The following NRG1 variants were observed in gnomAD, a reference collection of about 807,000 sequenced individuals.
The protein encoded by NRG1 is neuregulin 1, also known as pro-neuregulin-1, membrane-bound isoform.
In NRG1, 18 loss-of-function variants were observed where a neutral mutation model predicts 63.8. The observed-to-expected ratio is 0.28, with a 90% CI of 0.19 to 0.42. The LOEUF (loss-of-function observed/expected upper bound fraction) is 0.42, where lower values mean the gene tolerates loss of function less well. Ranked by LOEUF, NRG1 falls within the 10% of genes least tolerant of loss-of-function variation. NRG1 has a pLI of 1.00. For missense variants in NRG1, 762 were observed against 814.7 expected (o/e 0.94, Z 0.79); for synonymous variants, 302 against 301.3 (o/e 1.00, Z -0.02).
chr8:32,046,880 A>G (rs1411632954), intron 1 of NRG1, among the ~76,000 whole-genome samples: 1 of 152,076 alleles, frequency 6.6e-6, no homozygotes, highest in African/African-American at 2.4e-5. Context: ...TGCATGTGAT[A>G]TAATTCATAA....
chr8:32,614,709 T>C, intron 4 of NRG1, 145 bp downstream of exon 4: 2 of 751,582 alleles, frequency 2.7e-6, no homozygotes, highest in South Asian at 3.9e-5. Flanking sequence ...TCAACCTTGT[T>C]CTGTCTTTTT....
intron 1 of NRG1, among the ~76,000 whole-genome samples, chr8:32,057,587 G>T (rs2130877079): frequency 6.6e-6 from 1 of 152,234 alleles, no homozygotes; most frequent in Admixed American, 6.6e-5. Flanking sequence ...TACCACTCCT[G>T]TTCCCCACTG....
intron 1 of NRG1, among the ~76,000 whole-genome samples, chr8:31,830,277 TA>T (rs1373121059): frequency 6.6e-6 from 1 of 152,140 alleles, no homozygotes; most frequent in Non-Finnish European, 1.5e-5. Flanking sequence ...TGAAAATTTT[TA>T]TTTTTGATGC....
chr8:32,289,301 C>T (rs1379864731), intron 1 of NRG1, among the ~76,000 whole-genome samples: 1 of 152,102 alleles, frequency 6.6e-6, no homozygotes, highest in South Asian at 2.1e-4. Context: ...CTCAAGTCTA[C>T]CTATTGCTGT....
At chr8:32,093,721 GC>G (rs1829514292) in intron 1 of NRG1, among the ~76,000 whole-genome samples, 1 of 152,096 alleles carries the variant, frequency 6.6e-6, no homozygotes, top group Non-Finnish European at 1.5e-5. Flanking sequence ...ATTTAGTGGG[GC>G]AAAAAACGTT....
intron 5 of NRG1, among the ~76,000 whole-genome samples, chr8:32,653,237 A>AGAGT (rs1855543075): frequency 6.6e-6 from 1 of 152,102 alleles, no homozygotes; most frequent in African/African-American, 2.4e-5. Flanking sequence ...GGAAAACAGT[A>AGAGT]GAGTGCCTGC....
chr8:32,545,247 T>C (rs1367204934), upstream of NRG1, among the ~76,000 whole-genome samples: 1 of 147,870 alleles, frequency 6.8e-6, no homozygotes, highest in African/African-American at 2.5e-5. Context: ...TGGCACACGA[T>C]TGCGTTTCTC....
At chr8:32,107,768 G>A (rs1448219213) in intron 1 of NRG1, among the ~76,000 whole-genome samples, 1 of 152,144 alleles carries the variant, frequency 6.6e-6, no homozygotes, top group Non-Finnish European at 1.5e-5. Flanking sequence ...AATTTCAGAG[G>A]TGGTCCCAAG....
At chr8:32,434,323 AC>A (rs1198421718) in intron 1 of NRG1, among the ~76,000 whole-genome samples, 2 of 152,194 alleles carry the variant, frequency 1.3e-5, no homozygotes, top group Non-Finnish European at 2.9e-5. Context: ...ATTTTCAGGT[AC>A]TATGCTGAGT....
chr8:32,077,849 G>T (rs531997735), intron 1 of NRG1, among the ~76,000 whole-genome samples: 4 of 152,244 alleles, frequency 2.6e-5, no homozygotes, highest in East Asian at 3.9e-4. Context: ...TGAATGTGAG[G>T]CTTGGATGAG....
intron 1 of NRG1, among the ~76,000 whole-genome samples, chr8:31,976,569 T>C (rs1808211943): frequency 6.6e-6 from 1 of 152,124 alleles, no homozygotes; most frequent in South Asian, 2.1e-4. Flanking sequence ...CAGAAAACCT[T>C]TTGTTTTTCC....
At chr8:32,752,077 G>A (rs189268310) in intron 7 of NRG1, among the ~76,000 whole-genome samples, 15 of 152,238 alleles carry the variant, frequency 9.9e-5, no homozygotes, top group Admixed American at 2.6e-4. Context: ...AATAGAGGAC[G>A]GAAAAGAGGA....
chr8:32,477,824 T>C (rs1445713166), intron 1 of NRG1, among the ~76,000 whole-genome samples: 2 of 152,198 alleles, frequency 1.3e-5, no homozygotes, highest in African/African-American at 4.8e-5. Flanking sequence ...CAATACATAG[T>C]TTAACTCCAT....
At chr8:32,415,431 A>G (rs1170486585) in intron 1 of NRG1, among the ~76,000 whole-genome samples, 1 of 152,142 alleles carries the variant, frequency 6.6e-6, no homozygotes, top group South Asian at 2.1e-4. Context: ...TGCAAAAAAA[A>G]AAAATGCGGC....
intron 1 of NRG1, among the ~76,000 whole-genome samples, chr8:32,353,417 G>A (rs1251992852): frequency 1.3e-5 from 2 of 151,610 alleles, no homozygotes; most frequent in Non-Finnish European, 2.9e-5. Context: ...CAATTTTATA[G>A]TTGTAATATT....
At chr8:32,169,488 G>C (rs187373629) in intron 1 of NRG1, among the ~76,000 whole-genome samples, 1 of 152,118 alleles carries the variant, frequency 6.6e-6, no homozygotes, top group Admixed American at 6.6e-5. Context: ...TAACTTTTAG[G>C]GATCCAATAG....
chr8:31,843,187 A>G (rs975199), intron 1 of NRG1, among the ~76,000 whole-genome samples: 110,179 of 151,948 alleles, frequency 0.73, 40,707 homozygotes, highest in East Asian at 0.99. Context: ...ATTAATTTTC[A>G]TATACGAGAA....
chr8:32,314,416 A>G (rs1047627097), intron 1 of NRG1, among the ~76,000 whole-genome samples: 1 of 147,860 alleles, frequency 6.8e-6, no homozygotes, highest in Non-Finnish European at 1.5e-5. Flanking sequence ...TCTGTTCCAG[A>G]TAACCGAGGG....
chr8:31,746,208 A>G (rs546767626), intron 1 of NRG1, among the ~76,000 whole-genome samples: 8 of 152,088 alleles, frequency 5.3e-5, no homozygotes, highest in Middle Eastern at 3.4e-3. Flanking sequence ...GTTTGAATAC[A>G]TGGCCACCAA....
Sources: gnomAD v4.1 joint callset for allele counts (sites outside exome capture counted in the v4.1 genomes callset) on GRCh38, gnomAD v4.1.1 for gene constraint, MANE v1.5 for transcripts, NCBI Gene and HGNC (gene_info 2026-07-23, HGNC 2026-07-21) for gene names.